Variants in CRY2 observed in about 807,000 individuals in gnomAD.
CRY2 encodes the protein cryptochrome circadian regulator 2.
CRY2 carries 31 observed loss-of-function variants against 69.5 expected under a neutral mutation model. The ratio of observed to expected loss-of-function variants is 0.45; its 90% CI spans 0.34 to 0.60. The LOEUF (loss-of-function observed/expected upper bound fraction) is 0.60. CRY2 is among the 20% of genes least tolerant of loss of function. The probability of loss-of-function intolerance (pLI) is 0.02; values close to 1 mark genes in which losing one functional copy is unlikely to be tolerated. For missense variants in CRY2, 606 were observed against 797.8 expected (o/e 0.76, Z 2.90); for synonymous variants, 303 against 312.2 (o/e 0.97, Z 0.31).
rs747552494 is a variant in CRY2 at position 45,847,628 on chromosome 11, G to A, written c.138G>A (p.Gly46=). ...DNPALLAAVR[G]ARCVRCVYIL... ...CGGCGTTGCTGGCGGCCGTGCGCGG[G>A]GCGCGCTGCGTGCGCTGCGTTTACA... is the stretch of plus-strand genomic sequence containing the variant. Residue 46 remains glycine (G), a synonymous_variant, in exon 1 of 12, where the codon GGG becomes GGA. Coordinates refer to ENST00000616080, the MANE Select transcript of CRY2 (RefSeq NM_021117.5). 2.5e-6 allele frequency: 4 copies of A among 1,602,398 alleles called. No homozygotes were observed. The South Asian group carries it at 3.3e-5, about 13-fold the overall frequency.
Position 45,882,806 on chromosome 11 carries a change from C to T in CRY2, c.*1895C>T. 1 of 398,506 alleles carries T rather than the reference C, an allele frequency of 2.5e-6. No homozygotes were observed. The highest frequency in any genetic ancestry group is 4.4e-6 in the Non-Finnish European group (1 of 226,062). The allele number at this position is 398,506 out of a possible 1,614,324, so 24.7% of individuals were successfully genotyped here. A position where few individuals can be genotyped will look rare whatever the true frequency, so the allele number is the denominator to read the frequency against. Reference sequence around the variant, plus strand: ...GGCCGAGGCCCAGATTTAGTATTCACTAGCAGCGCCTTCGGGTAGCAGGAT... The same window carrying T: ...GGCCGAGGCCCAGATTTAGTATTCATTAGCAGCGCCTTCGGGTAGCAGGAT... On this transcript the variant is annotated 3_prime_UTR_variant, in exon 12 of 12. Coordinates refer to ENST00000616080, the MANE Select transcript of CRY2 (RefSeq NM_021117.5).
chr11:45,863,403 A>C (rs1050981743), intron 5 of CRY2, among the ~76,000 whole-genome samples: 1 of 151,950 alleles, frequency 6.6e-6, no homozygotes, highest in African/African-American at 2.4e-5. Context: ...CCTTTTCCAC[A>C]TACCCCCAGA....
intron 3 of CRY2, among the ~76,000 whole-genome samples, chr11:45,859,280 G>T (rs2086267355): frequency 6.6e-6 from 1 of 152,116 alleles, no homozygotes; most frequent in Admixed American, 6.5e-5. Context: ...TTGTACCTAA[G>T]ATGAGTTCCT....
At position 45,882,412 on chromosome 11, in the gene CRY2, G is replaced by T; in HGVS notation, c.*1501G>T. ...TCCCCTGTGACCTTTCCTAGCCTCA[G>T]ATCTGTTAATTCTTTTGGCCCCAGC... On this transcript the variant is annotated 3_prime_UTR_variant, in exon 12 of 12. Transcript: ENST00000616080. 1 of 392,602 alleles carries T rather than the reference G, an allele frequency of 2.5e-6. No homozygotes were observed. The highest frequency in any genetic ancestry group is 3.6e-5 in the East Asian group (1 of 27,688). 24.3% of individuals were successfully genotyped at this position (392,602 alleles called of 1,614,324 possible).
intron 1 of CRY2, among the ~76,000 whole-genome samples, chr11:45,851,029 CTT>C (rs67641151): frequency 1.2e-3 from 169 of 144,986 alleles, no homozygotes; most frequent in Non-Finnish European, 1.3e-3. Context: ...AGCCTCAGGA[CTT>C]TTTTTTTTTT....
chr11:45,851,121 G>C (rs1166774561), intron 1 of CRY2, among the ~76,000 whole-genome samples: 1 of 151,842 alleles, frequency 6.6e-6, no homozygotes. Flanking sequence ...CTAGAAGGAG[G>C]TACTGCAGCA....
intron 6 of CRY2, among the ~76,000 whole-genome samples, chr11:45,869,198 G>T (rs2086354510): frequency 6.6e-6 from 1 of 152,210 alleles, no homozygotes; most frequent in Non-Finnish European, 1.5e-5. Flanking sequence ...GGGAACTCTT[G>T]AGGACAAGGA....
chr11:45,855,696 A>C (rs1475804098), intron 1 of CRY2, among the ~76,000 whole-genome samples: 3 of 152,186 alleles, frequency 2.0e-5, no homozygotes, highest in Non-Finnish European at 4.4e-5. Context: ...ATTTTATGAG[A>C]TGGGTACTAA....
At chr11:45,869,962 A>G in intron 7 of CRY2, 91 bp from the exon 8 acceptor site, 1 of 1,515,782 alleles carries the variant, frequency 6.6e-7, no homozygotes, top group African/African-American at 1.4e-5. Flanking sequence ...CTTCAATGGA[A>G]GGGTTTTGGC....
intron 10 of CRY2, among the ~76,000 whole-genome samples, chr11:45,871,594 G>A (rs757443266): frequency 2.0e-5 from 3 of 152,210 alleles, no homozygotes; most frequent in South Asian, 2.1e-4. Context: ...GGTGGTGGCC[G>A]CAAGGAGAAA....
chr11:45,882,612 C>T lies in CRY2; in HGVS notation c.*1701C>T. 2.5e-6 allele frequency: 1 copy of T among 399,102 alleles called. No individual in the cohort carries two copies. Among genetic ancestry groups the T allele is most frequent in the Non-Finnish European group, 4.4e-6 (1 of 226,108 alleles). 24.7% of individuals were successfully genotyped at this position (399,102 alleles called of 1,614,324 possible). A position where few individuals can be genotyped will look rare whatever the true frequency, so the allele number is the denominator to read the frequency against. ...TATGTCACCTTCACTAGAAATGTCC[C>T]ATCATCGTGGGAGGGGAGCAGGGCA... On this transcript the variant is annotated 3_prime_UTR_variant, in exon 12 of 12. Coordinates refer to ENST00000616080, the MANE Select transcript of CRY2 (RefSeq NM_021117.5).
At chr11:45,863,873 G>A (rs987424600) in intron 5 of CRY2, among the ~76,000 whole-genome samples, 2 of 152,142 alleles carry the variant, frequency 1.3e-5, no homozygotes, top group African/African-American at 2.4e-5. Flanking sequence ...ATGAGATGCT[G>A]TTACTGAAAA....
In CRY2 at chr11:45,862,208, C is replaced by G. The variant is rs2086293660; in HGVS notation, c.741+60C>G. On this transcript the variant is annotated intron_variant, in intron 5 of 11. Coordinates refer to ENST00000616080, the MANE Select transcript of CRY2 (RefSeq NM_021117.5). ...ACTGATATCCACACAGCAGGAGATA[C>G]AGGTCATGTCCATGTCCTTTAGTCC... 2.0e-6 allele frequency: 3 copies of G among 1,497,342 alleles called. No homozygotes were observed. The Admixed American group carries it at 6.0e-5, about 30-fold the overall frequency. 92.8% of individuals were successfully genotyped at this position (1,497,342 alleles called of 1,614,324 possible).
Position 45,882,276 on chromosome 11 carries a change from G to A in CRY2, c.*1365G>A, listed in dbSNP as rs1221332847. ...CTTGAGCCACAAAGTGTGTGTGTGT[G>A]TGTGCGTGTGTGGTACGTGTGTGTG... On this transcript the variant is annotated 3_prime_UTR_variant, in exon 12 of 12. Coordinates refer to ENST00000616080, the MANE Select transcript of CRY2 (RefSeq NM_021117.5). The A allele has an allele frequency of 2.4e-5, 5 of 209,124 alleles. No homozygotes were observed. Among genetic ancestry groups the A allele is most frequent in the Admixed American group, 6.0e-5 (1 of 16,746 alleles). 13.0% of individuals were successfully genotyped at this position (209,124 alleles called of 1,614,324 possible).
In CRY2 at chr11:45,847,525, C is replaced by T. The variant is rs780592699; in HGVS notation, c.35C>T (p.Ala12Val). ...AATVATAAAV[A>V]PAPAPGTDSA... The stretch of plus-strand genomic sequence containing the variant: ...ACTGTGGCGACGGCGGCAGCTGTGG[C>T]CCCGGCGCCAGCGCCCGGCACGGAC... Residue 12 changes from alanine to valine, a missense_variant, in exon 1 of 12, where the codon GCC (alanine) becomes GTC (valine). Physicochemically the swap from Ala to Val is moderately conservative, Grantham distance 64. Coordinates refer to ENST00000616080, the MANE Select transcript of CRY2 (RefSeq NM_021117.5). 2.8e-5 allele frequency: 45 copies of T among 1,587,994 alleles called. No individual in the cohort carries two copies. The highest frequency in any genetic ancestry group is 3.8e-5 in the Non-Finnish European group (45 of 1,171,834).
chr11:45,871,593 C>T (rs1338993109), intron 10 of CRY2, among the ~76,000 whole-genome samples: 4 of 152,144 alleles, frequency 2.6e-5, no homozygotes, highest in African/African-American at 9.7e-5. Flanking sequence ...GGGTGGTGGC[C>T]GCAAGGAGAA....
chr11:45,849,639 A>G (rs1466544319), intron 1 of CRY2, among the ~76,000 whole-genome samples: 2 of 102,390 alleles, frequency 2.0e-5, no homozygotes, highest in Non-Finnish European at 4.1e-5. Context: ...TTTTTTTTTG[A>G]GACGGAGTTT....
intron 5 of CRY2, among the ~76,000 whole-genome samples, chr11:45,862,804 A>G (rs1270918139): frequency 6.6e-6 from 1 of 152,188 alleles, no homozygotes; most frequent in Non-Finnish European, 1.5e-5. Flanking sequence ...CTCCCAGTGC[A>G]GTGAGAACTG....
Position 45,861,023 on chromosome 11 carries a change from G to C in CRY2, c.643G>C (p.Glu215Gln). Reference sequence around the variant, plus strand: ...CGAGACCTACGGCGTGCCCTCCCTGGAGGAGCTGGGTGCGTACTTCCTGCC... The same window carrying C: ...CGAGACCTACGGCGTGCCCTCCCTGCAGGAGCTGGGTGCGTACTTCCTGCC... ...HDETYGVPSL[E>Q]ELGFPTEGLG... The change falls in exon 4 of 12, where the codon GAG (glutamate) becomes CAG (glutamine). Residue 215 changes from glutamate (E) to glutamine (Q), a missense_variant. Around this residue, in one of 5 missense-constraint regions of CRY2, gnomAD observed 382 missense variants for 508.9 expected, o/e 0.75. Coordinates refer to ENST00000616080, the MANE Select transcript of CRY2 (RefSeq NM_021117.5). 1 of 1,612,308 alleles carries C rather than the reference G, an allele frequency of 6.2e-7. No homozygotes were observed. Among genetic ancestry groups the C allele is most frequent in the Non-Finnish European group, 8.5e-7 (1 of 1,179,632 alleles).
Sources: gnomAD v4.1 joint callset for allele counts (sites outside exome capture counted in the v4.1 genomes callset) on GRCh38, gnomAD v4.1.1 for gene constraint, gnomAD v4.1.1 regional missense constraint, MANE v1.5 for transcripts, NCBI Gene and HGNC (gene_info 2026-07-23, HGNC 2026-07-21) for gene names.